The following AP1S3 variants were observed in gnomAD, a reference collection of about 807,000 sequenced individuals.
AP1S3 encodes the protein adaptor related protein complex 1 subunit sigma 3.
A neutral mutation model predicts 20.9 loss-of-function variants in AP1S3; 10 were observed. The observed-to-expected ratio is 0.48, with a 90% CI of 0.29 to 0.81. The LOEUF is 0.81. Among genes scored for constraint, AP1S3 ranks in the 30% least tolerant of loss-of-function variants. The probability of loss-of-function intolerance (pLI) is 0.08; values close to 1 mark genes in which losing one functional copy is unlikely to be tolerated. For missense variants in AP1S3, 154 were observed against 183.8 expected (o/e 0.84, Z 0.94); for synonymous variants, 41 against 61.5 (o/e 0.67, Z 1.56).
At chr2:223,828,058 T>TAAAAAAAAAAAAAAAAAAAAAAA (rs527671959) in intron 1 of AP1S3, among the ~76,000 whole-genome samples, 1 of 94,694 alleles carries the variant, frequency 1.1e-5, no homozygotes. Flanking sequence ...AGACTTCATC[T>TAAAAAAAAAAAAAAAAAAAAAAA]AAAAAAAAAA....
intron 1 of AP1S3, among the ~76,000 whole-genome samples, chr2:223,823,018 T>G (rs1692028035): frequency 6.6e-6 from 1 of 151,860 alleles, no homozygotes; most frequent in East Asian, 1.9e-4. Context: ...CATCTGGAAA[T>G]GCAAATTAAG....
chr2:223,813,120 T>C (rs1401583274), intron 1 of AP1S3, among the ~76,000 whole-genome samples: 1 of 152,064 alleles, frequency 6.6e-6, no homozygotes, highest in Non-Finnish European at 1.5e-5. Context: ...AAAATTTTTG[T>C]ATTTTCAGTA....
intron 4 of AP1S3, among the ~76,000 whole-genome samples, chr2:223,762,996 T>A (rs938446764): frequency 6.6e-6 from 1 of 152,072 alleles, no homozygotes; most frequent in Non-Finnish European, 1.5e-5. Flanking sequence ...CCTATCCAGT[T>A]GAAACCTCTT....
At chr2:223,789,384 T>C (rs185952615) in intron 1 of AP1S3, among the ~76,000 whole-genome samples, 333 of 151,726 alleles carry the variant, frequency 2.2e-3, no homozygotes, top group African/African-American at 7.7e-3. Flanking sequence ...CCCAAAAAAA[T>C]AGATGTAAGC....
chr2:223,773,417 A>C, intron 3 of AP1S3: 1 of 1,266,190 alleles, frequency 7.9e-7, no homozygotes, highest in Non-Finnish European at 1.0e-6. Context: ...AAAGTATTAA[A>C]TAATATGTTT....
At chr2:223,783,490 C>T (rs182526917) in intron 1 of AP1S3, among the ~76,000 whole-genome samples, 42 of 152,346 alleles carry the variant, frequency 2.8e-4, no homozygotes, top group Non-Finnish European at 5.0e-4. Context: ...AGACTCAGAA[C>T]GCAAACTTCT....
At chr2:223,762,641 T>C (rs1433801324) in intron 4 of AP1S3, among the ~76,000 whole-genome samples, 1 of 152,194 alleles carries the variant, frequency 6.6e-6, no homozygotes, top group Non-Finnish European at 1.5e-5. Flanking sequence ...CAAATAAGTA[T>C]TCCCAACCAA....
At chr2:223,793,037 C>T (rs1475602259) in intron 1 of AP1S3, among the ~76,000 whole-genome samples, 1 of 150,090 alleles carries the variant, frequency 6.7e-6, no homozygotes, top group Non-Finnish European at 1.5e-5. Context: ...CATCTCACAC[C>T]AGTCAGAATG....
At chr2:223,759,643 GAT>G (rs750175918) in intron 4 of AP1S3, among the ~76,000 whole-genome samples, 8 of 152,146 alleles carry the variant, frequency 5.3e-5, no homozygotes, top group Non-Finnish European at 1.0e-4. Context: ...TAAGTTCAGA[GAT>G]ACATGTGCAG....
intron 1 of AP1S3, among the ~76,000 whole-genome samples, chr2:223,815,391 A>T (rs1691821537): frequency 6.7e-6 from 1 of 150,026 alleles, no homozygotes; most frequent in Non-Finnish European, 1.5e-5. Flanking sequence ...GGAAAGCAGA[A>T]AGATCAGGTT....
At position 223,778,394 on chromosome 2, in the gene AP1S3, G is replaced by A. The variant is rs1470698077; in HGVS notation, c.4-525C>T. 3.9e-5 allele frequency among the ~76,000 whole-genome samples: 6 copies of A among 152,012 alleles called. No individual in the cohort carries two copies. In the East Asian group the frequency reaches 7.7e-4, roughly 20 times the overall value. On this transcript the variant is annotated intron_variant, in intron 1 of 4. Transcript: ENST00000396654. Reference sequence around the variant, plus strand: ...CCCCACCTCAGCCTCCCAAAGTGCTGGGATTACAGGCATGAGTCACCACAC... The same window carrying A: ...CCCCACCTCAGCCTCCCAAAGTGCTAGGATTACAGGCATGAGTCACCACAC...
In AP1S3 at chr2:223,765,473, G is replaced by T. The variant is rs919677183; in HGVS notation, c.292-123C>A. 5 of 989,354 alleles carry T rather than the reference G, an allele frequency of 5.1e-6. No homozygotes were observed. In the African/African-American group the frequency reaches 6.6e-5, roughly 13 times the overall value. 61.3% of individuals were successfully genotyped at this position (989,354 alleles called of 1,614,324 possible). Reference sequence around the variant, plus strand: ...GTACCAAAAATAAAAATATCAGATGGCATTTTAAGGACAGAAAAAAAGAAC... The same window carrying T: ...GTACCAAAAATAAAAATATCAGATGTCATTTTAAGGACAGAAAAAAAGAAC... On this transcript the variant is annotated intron_variant, in intron 3 of 4. Coordinates refer to ENST00000396654, the MANE Select transcript of AP1S3 (RefSeq NM_001039569.2).
At chr2:223,824,788 G>A (rs1241741403) in intron 1 of AP1S3, among the ~76,000 whole-genome samples, 3 of 152,138 alleles carry the variant, frequency 2.0e-5, no homozygotes, top group Admixed American at 6.5e-5. Context: ...ACCCGTCACG[G>A]CCTCCCAAAG....
At chr2:223,797,641 C>T (rs1691373076) in intron 1 of AP1S3, among the ~76,000 whole-genome samples, 1 of 152,072 alleles carries the variant, frequency 6.6e-6, no homozygotes, top group Non-Finnish European at 1.5e-5. Flanking sequence ...AGGCAGGTGC[C>T]TACAATCTCA....
At chr2:223,831,444 T>C (rs1692255963) in intron 1 of AP1S3, among the ~76,000 whole-genome samples, 1 of 152,014 alleles carries the variant, frequency 6.6e-6, no homozygotes, top group South Asian at 2.1e-4. Context: ...AAGAAATACA[T>C]TTCCTTAGTC....
chr2:223,793,989 G>A (rs988788828), intron 1 of AP1S3, among the ~76,000 whole-genome samples: 1 of 152,062 alleles, frequency 6.6e-6, no homozygotes, highest in Non-Finnish European at 1.5e-5. Flanking sequence ...CTGATTCTGT[G>A]TTTATCCTTT....
rs1315055978 is a variant in AP1S3 at position 223,756,465 on chromosome 2, GAAAA to G, written c.*2246_*2249del. On this transcript the variant is annotated 3_prime_UTR_variant, in exon 5 of 5. Coordinates refer to ENST00000396654, the MANE Select transcript of AP1S3 (RefSeq NM_001039569.2). ...AAAGGAAGGAAAAGAAAGAAAGAAAGAAAAGAAAGAAAGAAAGAAAAAAAGAAAG... is the reference window on the plus strand; with the variant it reads ...AAAGGAAGGAAAAGAAAGAAAGAAAGGAAAGAAAGAAAGAAAAAAAGAAAG... 3.3e-6 allele frequency: 3 copies of G among 911,026 alleles called. No individual in the cohort carries two copies. Among genetic ancestry groups the G allele is most frequent in the South Asian group, 5.1e-5 (1 of 19,784 alleles). The allele number at this position is 911,026 out of a possible 1,614,324, so 56.4% of individuals were successfully genotyped here.
chr2:223,762,612 T>C (rs1690387556), intron 4 of AP1S3, among the ~76,000 whole-genome samples: 1 of 152,152 alleles, frequency 6.6e-6, no homozygotes. Context: ...TGTGCCATTG[T>C]CCACATTGTT....
chr2:223,819,839 T>C (rs1165808053), intron 1 of AP1S3, among the ~76,000 whole-genome samples: 1 of 152,136 alleles, frequency 6.6e-6, no homozygotes, highest in Admixed American at 6.6e-5. Flanking sequence ...TTATATTTTC[T>C]GCTTTTTGAA....
Sources: allele counts gnomAD v4.1 joint callset (sites outside exome capture counted in the v4.1 genomes callset), GRCh38; gene constraint gnomAD v4.1.1; transcripts MANE v1.5; gene names NCBI Gene and HGNC (gene_info 2026-07-23, HGNC 2026-07-21).